The following TRIO variants were observed in gnomAD, a reference collection of about 807,000 sequenced individuals.
TRIO encodes triple functional domain protein.
In TRIO, 58 loss-of-function variants were observed where a neutral mutation model predicts 351.9. The observed-to-expected ratio is 0.16, with a 90% CI of 0.13 to 0.21. The LOEUF (loss-of-function observed/expected upper bound fraction) is 0.21. Among genes scored for constraint, TRIO ranks in the 10% least tolerant of loss-of-function variants. The probability of loss-of-function intolerance (pLI) is 1.00; values close to 1 mark genes in which losing one functional copy is unlikely to be tolerated. For missense variants in TRIO, 3,201 were observed against 4,027.8 expected (o/e 0.79, Z 5.56); for synonymous variants, 1,758 against 1,595.7 (o/e 1.10, Z -2.42).
chr5:14,202,948 A>G (rs1791226923), intron 1 of TRIO, among the ~76,000 whole-genome samples: 2 of 151,780 alleles, frequency 1.3e-5, no homozygotes, highest in African/African-American at 4.8e-5. Flanking sequence ...ATTTTTATTT[A>G]TGCTTTTATT....
At chr5:14,467,811 C>CA (rs1754376206) in intron 37 of TRIO, among the ~76,000 whole-genome samples, 1 of 151,458 alleles carries the variant, frequency 6.6e-6, no homozygotes, top group South Asian at 2.1e-4. Flanking sequence ...GACCCTATAT[C>CA]AAAAAAATAA....
At chr5:14,333,966 C>T (rs1408455710) in intron 10 of TRIO, among the ~76,000 whole-genome samples, 1 of 152,176 alleles carries the variant, frequency 6.6e-6, no homozygotes, top group Non-Finnish European at 1.5e-5. Context: ...TCAAATGCTC[C>T]CTGACTCTGA....
chr5:14,481,352 C>G, intron 44 of TRIO, 68 bp downstream of exon 44: 1 of 1,594,446 alleles, frequency 6.3e-7, no homozygotes, highest in Middle Eastern at 1.7e-4. Context: ...CCAAGTGTCT[C>G]CTAACAGTGG....
intron 9 of TRIO, among the ~76,000 whole-genome samples, chr5:14,329,930 A>T (rs1740755106): frequency 6.6e-6 from 1 of 152,196 alleles, no homozygotes; most frequent in South Asian, 2.1e-4. Context: ...CTGTAGTTTC[A>T]GTCCACATTT....
chr5:14,169,362 G>A (rs1384488048), intron 1 of TRIO, among the ~76,000 whole-genome samples: 1 of 152,062 alleles, frequency 6.6e-6, no homozygotes, highest in Non-Finnish European at 1.5e-5. Flanking sequence ...TGTCATTTCT[G>A]ATGATCATTA....
At chr5:14,378,452 AT>A (rs927866992) in intron 20 of TRIO, among the ~76,000 whole-genome samples, 50 of 151,436 alleles carry the variant, frequency 3.3e-4, no homozygotes, top group African/African-American at 9.7e-4. Flanking sequence ...AATATGATGG[AT>A]TTTTTTTTAT....
chr5:14,454,793 C>T (rs746928562), intron 34 of TRIO, among the ~76,000 whole-genome samples: 1 of 152,206 alleles, frequency 6.6e-6, no homozygotes, highest in Non-Finnish European at 1.5e-5. Context: ...TCACTGACTT[C>T]AAGAATGAAG....
At chr5:14,246,419 A>C (rs552134375) in intron 1 of TRIO, among the ~76,000 whole-genome samples, 11 of 152,326 alleles carry the variant, frequency 7.2e-5, no homozygotes, top group African/African-American at 2.2e-4. Flanking sequence ...GGAACTTGGA[A>C]AGCGCAGCCA....
At chr5:14,413,390 G>A (rs1749361482) in intron 33 of TRIO, among the ~76,000 whole-genome samples, 1 of 152,124 alleles carries the variant, frequency 6.6e-6, no homozygotes, top group African/African-American at 2.4e-5. Flanking sequence ...ATATTCAAAG[G>A]GTGGGTTCAT....
chr5:14,273,577 G>A (rs891700600), intron 2 of TRIO, among the ~76,000 whole-genome samples: 3 of 152,138 alleles, frequency 2.0e-5, no homozygotes, highest in Non-Finnish European at 2.9e-5. Flanking sequence ...GGCCATGAGG[G>A]CTCCTCCCTT....
At chr5:14,189,277 A>G (rs1296689710) in intron 1 of TRIO, among the ~76,000 whole-genome samples, 1 of 152,212 alleles carries the variant, frequency 6.6e-6, no homozygotes, top group African/African-American at 2.4e-5. Flanking sequence ...GAATACATGT[A>G]ACACTTTGAT....
At chr5:14,484,946 A>G (rs1255264634) in intron 46 of TRIO, 123 bp from the exon 47 acceptor site, 2 of 1,037,846 alleles carry the variant, frequency 1.9e-6, no homozygotes, top group East Asian at 5.5e-5. Context: ...TTCTTTCCTC[A>G]TTAAGGCTGA....
chr5:14,451,974 G>T (rs1053496227), intron 34 of TRIO, among the ~76,000 whole-genome samples: 3 of 152,258 alleles, frequency 2.0e-5, no homozygotes, highest in African/African-American at 7.2e-5. Context: ...TGGAGAATTT[G>T]CAATGCAAGA....
chr5:14,318,928 C>T (rs1739625877), intron 9 of TRIO, among the ~76,000 whole-genome samples: 1 of 152,166 alleles, frequency 6.6e-6, no homozygotes, highest in South Asian at 2.1e-4. Flanking sequence ...CTCCTTTCCC[C>T]CCACACCCCA....
rs1318770211 is a variant in TRIO, at chr5:14,485,206, A to T, written c.6795A>T (p.Glu2265Asp). 3 of 1,584,042 alleles carry T rather than the reference A, an allele frequency of 1.9e-6. No homozygotes were observed. The highest frequency in any genetic ancestry group is 2.7e-5 in the African/African-American group (2 of 74,268). ...SPSVRQTWIH[E>D]INQILENQRN... ...GTGTCCGGCAAACTTGGATCCATGA[A>T]ATCAACCAAATTTTAGAAAACCAGC... The change falls in exon 47 of 57, where the codon GAA becomes GAT. Residue 2265 changes from glutamate (E) to aspartate (D), a missense_variant. Glu to Asp is a conservative substitution (Grantham distance 45). Around this residue, in one of 19 missense-constraint regions of TRIO, gnomAD observed 1,089 missense variants for 954.9 expected, o/e 1.14. Transcript: ENST00000344204.
At chr5:14,499,843 A>T (rs1479373065) in intron 53 of TRIO, among the ~76,000 whole-genome samples, 2 of 151,962 alleles carry the variant, frequency 1.3e-5, no homozygotes, top group African/African-American at 4.8e-5. Flanking sequence ...CCAGGTCAGG[A>T]GATCGAGACC....
rs373462810 is a variant in TRIO, at chr5:14,395,872, C to T, written c.4312-1171C>T. On this transcript the variant is annotated intron_variant, in intron 28 of 56. Transcript: ENST00000344204. ...CATCCTGGCTAACACGGTGAAACCC[C>T]GTCTCTACTAAAAATTCAAAAATAC... 8.7e-4 allele frequency among the ~76,000 whole-genome samples: 132 copies of T among 151,982 alleles called. 1 individual carries two copies. Among genetic ancestry groups the T allele is most frequent in the African/African-American group, 2.9e-3 (121 of 41,446 alleles).
At chr5:14,304,663 A>G in intron 8 of TRIO, 71 bp downstream of exon 8, 2 of 1,532,986 alleles carry the variant, frequency 1.3e-6, no homozygotes, top group Non-Finnish European at 1.8e-6. Context: ...GAAGCTAGAA[A>G]AAAAAAAGTT....
chr5:14,276,659 A>G lies in TRIO; in HGVS notation c.233-3663A>G, dbSNP rs549224580. On this transcript the variant is annotated intron_variant, in intron 2 of 56. Transcript: ENST00000344204. ...CGGCTGAAGAATCATTTCAATTGAAACAAGCGCTATGGAGAGAAAGATACA... is the reference window on the plus strand; with the variant it reads ...CGGCTGAAGAATCATTTCAATTGAAGCAAGCGCTATGGAGAGAAAGATACA... Among the ~76,000 whole-genome samples the G allele has an allele frequency of 3.3e-5, 5 of 152,338 alleles. No homozygotes were observed. The East Asian group carries it at 7.7e-4, about 24-fold the overall frequency.
Sources: allele counts gnomAD v4.1 joint callset (sites outside exome capture counted in the v4.1 genomes callset), GRCh38; gene constraint gnomAD v4.1.1; regional missense constraint gnomAD v4.1.1; transcripts MANE v1.5; gene names NCBI Gene and HGNC (gene_info 2026-07-23, HGNC 2026-07-21).